Variants in HIVEP3 observed in about 807,000 individuals in gnomAD.
HIVEP3 encodes the protein transcription factor HIVEP3.
A neutral mutation model predicts 152.8 loss-of-function variants in HIVEP3; 49 were observed. That is an observed-to-expected ratio of 0.32 (90% CI 0.26 to 0.41). The LOEUF is 0.41. HIVEP3 is among the 10% of genes least tolerant of loss of function. The probability of loss-of-function intolerance (pLI) is 1.00; values close to 1 mark genes in which losing one functional copy is unlikely to be tolerated. For synonymous variants in HIVEP3, 1,269 were observed against 1,289.0 expected (o/e 0.98, Z 0.33); for missense variants, 2,790 against 3,103.3 (o/e 0.90, Z 2.40).
At chr1:41,589,272 G>A (rs1020391276) in intron 3 of HIVEP3, among the ~76,000 whole-genome samples, 4 of 152,230 alleles carry the variant, frequency 2.6e-5, no homozygotes, top group African/African-American at 9.6e-5. Context: ...TGGGCCATGA[G>A]GCCAGTGAGA....
intron 2 of HIVEP3, among the ~76,000 whole-genome samples, chr1:41,655,648 C>T (rs1326552753): frequency 6.6e-6 from 1 of 151,346 alleles, no homozygotes; most frequent in East Asian, 1.9e-4. Flanking sequence ...AATCCCTCCC[C>T]ACGGCATTCT....
chr1:41,697,666 C>T (rs540312260), intron 2 of HIVEP3, among the ~76,000 whole-genome samples: 1 of 152,300 alleles, frequency 6.6e-6, no homozygotes, highest in African/African-American at 2.4e-5. Context: ...GGAGGGGCAG[C>T]ACCCCTCTGC....
intron 1 of HIVEP3, among the ~76,000 whole-genome samples, chr1:41,849,947 C>T (rs1303979889): frequency 1.3e-5 from 2 of 152,100 alleles, no homozygotes; most frequent in East Asian, 3.9e-4. Flanking sequence ...CCTTGGCCTC[C>T]TAAAGTGCTG....
intron 5 of HIVEP3, among the ~76,000 whole-genome samples, chr1:41,567,508 C>T (rs1173347283): frequency 6.6e-6 from 1 of 152,214 alleles, no homozygotes; most frequent in African/African-American, 2.4e-5. Context: ...CTCAGAGCTG[C>T]ACATCTACAT....
chr1:41,909,706 C>A (rs1193895777), intron 1 of HIVEP3, among the ~76,000 whole-genome samples: 2 of 152,040 alleles, frequency 1.3e-5, no homozygotes, highest in Non-Finnish European at 2.9e-5. Flanking sequence ...ACATACCAAG[C>A]CTTACAGTAA....
rs370834317 is a variant in HIVEP3, at chr1:42,034,547, C to T, written n.119+1260G>A. Among the ~76,000 whole-genome samples the T allele has an allele frequency of 2.6e-5, 4 of 152,264 alleles. 1 individual carries two copies. ...ATTGCTTAACGAGCAGATAAAAGTG[C>T]TAATTAAGTCCACTCTTAGAGGTTA... On this transcript the variant is annotated intron_variant and non_coding_transcript_variant, in intron 1 of 3. Transcript: ENST00000489103.
At chr1:41,723,804 T>G (rs1389981313) in intron 1 of HIVEP3, among the ~76,000 whole-genome samples, 1 of 152,184 alleles carries the variant, frequency 6.6e-6, no homozygotes, top group Admixed American at 6.5e-5. Flanking sequence ...AGCACAGCCC[T>G]CAGAGCCCAG....
intron 1 of HIVEP3, among the ~76,000 whole-genome samples, chr1:41,846,040 G>A (rs1393634507): frequency 6.6e-6 from 1 of 152,072 alleles, no homozygotes; most frequent in Non-Finnish European, 1.5e-5. Context: ...TTCCAGCCTG[G>A]GCAACAGAGT....
At chr1:41,838,626 G>C (rs772058670) in intron 1 of HIVEP3, among the ~76,000 whole-genome samples, 42 of 152,156 alleles carry the variant, frequency 2.8e-4, no homozygotes, top group South Asian at 1.2e-3. Context: ...TCCTCCTAGG[G>C]AGGCAGCATC....
At chr1:41,919,685 G>A (rs942961086), upstream of HIVEP3, among the ~76,000 whole-genome samples, 1 of 152,110 alleles carries the variant, frequency 6.6e-6, no homozygotes, top group Non-Finnish European at 1.5e-5. Context: ...TATGGAGGTA[G>A]AAAAACAGGG....
intron 1 of HIVEP3, among the ~76,000 whole-genome samples, chr1:41,940,004 C>G (rs997231146): frequency 6.6e-6 from 1 of 151,758 alleles, no homozygotes; most frequent in African/African-American, 2.4e-5. Context: ...TCTGAGGCAC[C>G]TAGCCTTAGG....
chr1:41,678,952 C>G (rs1645997955), intron 2 of HIVEP3, among the ~76,000 whole-genome samples: 1 of 152,214 alleles, frequency 6.6e-6, no homozygotes, highest in Non-Finnish European at 1.5e-5. Flanking sequence ...GTCTGGCAAT[C>G]AAGACAGAGA....
chr1:41,776,152 C>T (rs1043098882), intron 1 of HIVEP3, among the ~76,000 whole-genome samples: 2 of 152,234 alleles, frequency 1.3e-5, no homozygotes, highest in Non-Finnish European at 1.5e-5. Flanking sequence ...AAAGAGGCTG[C>T]CAAGCAGGCC....
At chr1:41,657,262 G>A (rs2124034879) in intron 2 of HIVEP3, among the ~76,000 whole-genome samples, 1 of 152,354 alleles carries the variant, frequency 6.6e-6, no homozygotes, top group East Asian at 1.9e-4. Flanking sequence ...GGCTGATGCA[G>A]GTGAGCACAA....
intron 5 of HIVEP3, among the ~76,000 whole-genome samples, chr1:41,541,907 A>G (rs763535330): frequency 6.6e-6 from 1 of 152,222 alleles, no homozygotes; most frequent in Non-Finnish European, 1.5e-5. Flanking sequence ...TTTTGTATGT[A>G]TGATCTGTTT....
At chr1:41,517,116 C>T (rs911785276) in intron 7 of HIVEP3, among the ~76,000 whole-genome samples, 4 of 152,236 alleles carry the variant, frequency 2.6e-5, no homozygotes, top group African/African-American at 4.8e-5. Context: ...CTCTGAGCAT[C>T]CTCGTTTGCT....
chr1:41,612,350 T>TA (rs1303955603), intron 3 of HIVEP3, among the ~76,000 whole-genome samples: 1 of 152,232 alleles, frequency 6.6e-6, no homozygotes, highest in African/African-American at 2.4e-5. Flanking sequence ...GTGCAGTGAC[T>TA]ACAGCTCACC....
intron 5 of HIVEP3, among the ~76,000 whole-genome samples, chr1:41,568,239 T>C (rs1644198438): frequency 1.3e-5 from 2 of 152,070 alleles, no homozygotes; most frequent in African/African-American, 4.8e-5. Context: ...CCATGGAGTG[T>C]GCAAATTCAT....
chr1:41,989,520 G>A lies in HIVEP3; in HGVS notation n.119+46287C>T, dbSNP rs1197791178. ...GGTCATGGAAGGCTTCATTGATAAG[G>A]AGATATTTGAACAGAGTTCTGAAGA... On this transcript the variant is annotated intron_variant and non_coding_transcript_variant, in intron 1 of 3. Coordinates refer to the HIVEP3 transcript ENST00000489103. Among the ~76,000 whole-genome samples, 3 of 152,116 alleles carry A rather than the reference G, an allele frequency of 2.0e-5. No individual in the cohort carries two copies. In the East Asian group the frequency reaches 5.8e-4, roughly 29 times the overall value.
Sources: allele counts gnomAD v4.1 joint callset (sites outside exome capture counted in the v4.1 genomes callset), GRCh38; gene constraint gnomAD v4.1.1; transcripts MANE v1.5; gene names NCBI Gene and HGNC (gene_info 2026-07-23, HGNC 2026-07-21).